BCKDHB: variants seen among roughly 807,000 people sequenced by gnomAD.
The protein encoded by BCKDHB is 2-oxoisovalerate dehydrogenase subunit beta, mitochondrial.
A neutral mutation model predicts 48.5 loss-of-function variants in BCKDHB; 41 were observed. The ratio of observed to expected loss-of-function variants is 0.85; its 90% CI spans 0.66 to 1.10. The LOEUF (loss-of-function observed/expected upper bound fraction) is 1.10, where lower values mean the gene tolerates loss of function less well. Ranked by LOEUF, BCKDHB falls within the 50% of genes least tolerant of loss-of-function variation. BCKDHB has a pLI of 0.00. For synonymous variants in BCKDHB, 201 were observed against 174.8 expected (o/e 1.15, Z -1.18); for missense variants, 496 against 494.2 (o/e 1.00, Z -0.03).
At chr6:80,291,810 C>T (rs1448303178) in intron 9 of BCKDHB, among the ~76,000 whole-genome samples, 3 of 152,106 alleles carry the variant, frequency 2.0e-5, no homozygotes, top group Non-Finnish European at 4.4e-5. Flanking sequence ...TTTTTTTCGT[C>T]TCTTCAGTTT....
At chr6:80,421,448 G>A in the BCKDHB span, among the ~76,000 whole-genome samples, 2 of 152,170 alleles carry the variant, frequency 1.3e-5, no homozygotes, top group East Asian at 3.8e-4. Context: ...CTGAAAAGGT[G>A]GAAGCAACTT....
chr6:80,117,629 G>A (rs1045396389), intron 1 of BCKDHB, among the ~76,000 whole-genome samples: 5 of 152,176 alleles, frequency 3.3e-5, no homozygotes, highest in Non-Finnish European at 5.9e-5. Flanking sequence ...CACCCAGGGC[G>A]GAAAACCGCT....
At chr6:80,376,493 C>T in the BCKDHB span, among the ~76,000 whole-genome samples, 3 of 152,178 alleles carry the variant, frequency 2.0e-5, no homozygotes, top group East Asian at 5.8e-4. Context: ...TCCCATGGAA[C>T]CTGCAATGGC....
chr6:80,202,598 C>G (rs1024575885), intron 7 of BCKDHB, among the ~76,000 whole-genome samples: 1 of 151,986 alleles, frequency 6.6e-6, no homozygotes, highest in Non-Finnish European at 1.5e-5. Flanking sequence ...GGCTGCTATC[C>G]CTATGAAATC....
intron 8 of BCKDHB, among the ~76,000 whole-genome samples, chr6:80,256,229 G>T (rs1296421821): frequency 7.9e-5 from 12 of 152,136 alleles, no homozygotes. Flanking sequence ...AACGACAGGA[G>T]TACATTCTGA....
chr6:80,237,943 T>C (rs559497457), intron 8 of BCKDHB, among the ~76,000 whole-genome samples: 1 of 152,328 alleles, frequency 6.6e-6, no homozygotes, highest in African/African-American at 2.4e-5. Flanking sequence ...GGATGTTGTG[T>C]AGGAACTATT....
At chr6:80,126,553 G>T (rs925104433) in intron 1 of BCKDHB, among the ~76,000 whole-genome samples, 1 of 152,144 alleles carries the variant, frequency 6.6e-6, no homozygotes, top group Non-Finnish European at 1.5e-5. Flanking sequence ...GTATCGAAAT[G>T]ATTTGTTATC....
downstream of BCKDHB, among the ~76,000 whole-genome samples, chr6:80,346,502 C>CTAACTAAAAGTTCTGT (rs1562244535): frequency 6.6e-6 from 1 of 151,998 alleles, no homozygotes; most frequent in Non-Finnish European, 1.5e-5. Context: ...AACAAGGTGT[C>CTAACTAAAAGTTCTGT]GTAATGAATG....
rs373555794 is a variant in BCKDHB at position 80,260,182 on chromosome 6, G to A, written c.952-12953G>A. 1.3e-3 allele frequency among the ~76,000 whole-genome samples: 201 copies of A among 151,798 alleles called. 1 individual carries two copies. Among genetic ancestry groups the A allele is most frequent in the Non-Finnish European group, 2.4e-3 (166 of 67,942 alleles). ...CTGCCAATACTGATGGCCAAAATAAGCAATTTAGTAAAAACTGGTGGTAAT... is the reference window on the plus strand; with the variant it reads ...CTGCCAATACTGATGGCCAAAATAAACAATTTAGTAAAAACTGGTGGTAAT... On this transcript the variant is annotated intron_variant, in intron 8 of 9. Transcript: ENST00000320393.
the BCKDHB span, among the ~76,000 whole-genome samples, chr6:80,414,417 TA>T: frequency 6.6e-6 from 1 of 152,292 alleles, no homozygotes; most frequent in Middle Eastern, 3.4e-3. Context: ...AAGGTTTTCA[TA>T]GTGTTCAGTT....
At chr6:80,265,294 A>G (rs980528744) in intron 8 of BCKDHB, among the ~76,000 whole-genome samples, 2 of 152,136 alleles carry the variant, frequency 1.3e-5, no homozygotes, top group Admixed American at 6.6e-5. Flanking sequence ...CAGAAGGTAA[A>G]AGGAACTTAA....
At position 80,150,548 on chromosome 6, in the gene BCKDHB, A is replaced by T. The variant is rs1582238759; in HGVS notation, c.344-17130A>T. ...TTAAGTATAGTCAATCAAGTTTGTC[A>T]TCTTTTTTTTTTTTTTTTTTTTTTG... On this transcript the variant is annotated intron_variant, in intron 3 of 9. Transcript: ENST00000320393. Among the ~76,000 whole-genome samples, 16 of 127,174 alleles carry T rather than the reference A, an allele frequency of 1.3e-4. No homozygotes were observed. In the South Asian group the frequency reaches 3.6e-3, roughly 28 times the overall value. The allele number at this position is 127,174 out of a possible 152,430, so 83.4% of individuals were successfully genotyped here.
the BCKDHB span, among the ~76,000 whole-genome samples, chr6:80,413,470 G>C: frequency 6.6e-6 from 1 of 151,966 alleles, no homozygotes; most frequent in African/African-American, 2.4e-5. Context: ...TCTTTGATAG[G>C]CTCCAGTGTG....
intron 1 of BCKDHB, among the ~76,000 whole-genome samples, chr6:80,126,907 C>T (rs901386783): frequency 2.6e-5 from 4 of 152,136 alleles, no homozygotes; most frequent in African/African-American, 9.7e-5. Flanking sequence ...CTCACTGTGT[C>T]AGGTACTGTT....
At chr6:80,352,737 A>T in the BCKDHB span, among the ~76,000 whole-genome samples, 1 of 152,214 alleles carries the variant, frequency 6.6e-6, no homozygotes, top group African/African-American at 2.4e-5. Context: ...TTTCATATAT[A>T]TGACATTAGC....
chr6:80,134,200 A>G lies in BCKDHB; in HGVS notation c.343+4971A>G, dbSNP rs144946040. 1.7e-3 allele frequency among the ~76,000 whole-genome samples: 264 copies of G among 152,268 alleles called. 1 individual carries two copies. The highest frequency in any genetic ancestry group is 6.0e-3 in the African/African-American group (250 of 41,556). ...GGAGGAAATTTAGGTGAGGAAAGGAATAGCTGAGGACCTCCTGAATTAGTC... is the reference window on the plus strand; with the variant it reads ...GGAGGAAATTTAGGTGAGGAAAGGAGTAGCTGAGGACCTCCTGAATTAGTC... On this transcript the variant is annotated intron_variant, in intron 3 of 9. Transcript: ENST00000320393.
chr6:80,240,386 C>T (rs113203021), intron 8 of BCKDHB, among the ~76,000 whole-genome samples: 3 of 152,012 alleles, frequency 2.0e-5, no homozygotes, highest in Non-Finnish European at 2.9e-5. Context: ...AACTCACATG[C>T]CTTGTAAGTT....
At chr6:80,192,985 A>AT (rs541584799) in intron 6 of BCKDHB, among the ~76,000 whole-genome samples, 3 of 151,492 alleles carry the variant, frequency 2.0e-5, no homozygotes, top group Admixed American at 6.6e-5. Context: ...TGCCTGGCTA[A>AT]TTTTTTTCTA....
chr6:80,183,751 C>T (rs1773518886), intron 6 of BCKDHB, among the ~76,000 whole-genome samples: 1 of 152,120 alleles, frequency 6.6e-6, no homozygotes, highest in African/African-American at 2.4e-5. Context: ...GTTTGTCTCC[C>T]CTCACTTCAA....
Sources: gnomAD v4.1 joint callset for allele counts (sites outside exome capture counted in the v4.1 genomes callset) on GRCh38, gnomAD v4.1.1 for gene constraint, MANE v1.5 for transcripts, NCBI Gene and HGNC (gene_info 2026-07-23, HGNC 2026-07-21) for gene names.